PPT2: variants seen among roughly 807,000 people sequenced by gnomAD.
PPT2 encodes lysosomal thioesterase PPT2.
In PPT2, 20 loss-of-function variants were observed where a neutral mutation model predicts 37.3. The ratio of observed to expected loss-of-function variants is 0.54; its 90% CI spans 0.38 to 0.78. The LOEUF is 0.78. PPT2 is among the 30% of genes least tolerant of loss of function. PPT2 has a pLI of 0.00. For missense variants in PPT2, 270 were observed against 389.8 expected, an observed-to-expected ratio of 0.69 and a Z score of 2.59; for synonymous variants, 135 against 159.1, an observed-to-expected ratio of 0.85 and a Z score of 1.14.
At position 32,162,749 on chromosome 6, in the gene PPT2, CTT is replaced by C; in HGVS notation, c.766-56_766-55del. 5.6e-6 allele frequency: 9 copies of C among 1,599,356 alleles called. No homozygotes were observed. Among genetic ancestry groups the C allele is most frequent in the Non-Finnish European group, 7.7e-6 (9 of 1,167,788 alleles). On this transcript the variant is annotated intron_variant, in intron 8 of 8. Coordinates refer to ENST00000324816, the MANE Select transcript of PPT2 (RefSeq NM_005155.7). This position sits in a 1 kb window ranked among gnomAD's most constrained non-coding sequence, Gnocchi z 5.5. ...GGTCCAGGATCCCAGCAGTAACTCA[CTT>C]TGTCTCTCCTTGTGTCTCTCTTCCA... is the stretch of plus-strand genomic sequence containing the variant.
Position 32,162,504 on chromosome 6 carries a change from G to A in PPT2, c.711-64G>A, listed in dbSNP as rs2127397556. The A allele has an allele frequency of 6.7e-7, 1 of 1,490,118 alleles. No individual in the cohort carries two copies. Among genetic ancestry groups the A allele is most frequent in the Non-Finnish European group, 9.4e-7 (1 of 1,068,290 alleles). The allele number at this position is 1,490,118 out of a possible 1,614,324, so 92.3% of individuals were successfully genotyped here. On this transcript the variant is annotated intron_variant, in intron 7 of 8. Transcript: ENST00000324816. The surrounding 1 kb of genome is among the most constrained non-coding windows in gnomAD (Gnocchi z 5.5). ...CAAAGTGCTGCAATTACAGGCGTGT[G>A]CCACTGCGCCCGGCCAGATTTTCTC...
Position 32,156,129 on chromosome 6 carries a change from C to A in PPT2, c.541+151C>A. 1 of 658,712 alleles carries A rather than the reference C, an allele frequency of 1.5e-6. No homozygotes were observed. The highest frequency in any genetic ancestry group is 2.6e-6 in the Non-Finnish European group (1 of 387,930). 40.8% of individuals were successfully genotyped at this position (658,712 alleles called of 1,614,324 possible). On this transcript the variant is annotated intron_variant, in intron 5 of 8. Transcript: ENST00000324816. This position sits in a 1 kb window ranked among gnomAD's most constrained non-coding sequence, Gnocchi z 4.9. ...TTCAGAATTTTTTTTTTTTTTGAGA[C>A]GGAGTCTTGTTCTGTTGCCCAGGCT... is the stretch of plus-strand genomic sequence containing the variant.
intron 7 of PPT2, among the ~76,000 whole-genome samples, chr6:32,161,960 C>T (rs746057823): frequency 3.9e-5 from 6 of 151,936 alleles, no homozygotes; most frequent in African/African-American, 7.3e-5. Context: ...TCAGGTGATC[C>T]GCCGGCCTTG....
chr6:32,162,301 C>A lies in PPT2; in HGVS notation c.711-267C>A, dbSNP rs1478058194. 3.9e-5 allele frequency among the ~76,000 whole-genome samples: 6 copies of A among 152,174 alleles called. No homozygotes were observed. The highest frequency in any genetic ancestry group is 7.4e-5 in the Non-Finnish European group (5 of 68,026). ...GTGGTGCGATCTCGACTCAATGCAACCTCCACCTCCCGGGTTCAAGTAATT... is the reference window on the plus strand; with the variant it reads ...GTGGTGCGATCTCGACTCAATGCAAACTCCACCTCCCGGGTTCAAGTAATT... On this transcript the variant is annotated intron_variant, in intron 7 of 8. Transcript: ENST00000324816. This position sits in a 1 kb window ranked among gnomAD's most constrained non-coding sequence, Gnocchi z 5.5.
Position 32,162,493 on chromosome 6 carries a change from T to G in PPT2, c.711-75T>G. The G allele has an allele frequency of 6.9e-7, 1 of 1,444,142 alleles. No individual in the cohort carries two copies. 89.5% of individuals were successfully genotyped at this position (1,444,142 alleles called of 1,614,324 possible). On this transcript the variant is annotated intron_variant, in intron 7 of 8. Transcript: ENST00000324816. This position sits in a 1 kb window ranked among gnomAD's most constrained non-coding sequence, Gnocchi z 5.5. ...CCTTGGCCTCCCAAAGTGCTGCAAT[T>G]ACAGGCGTGTGCCACTGCGCCCGGC...
Position 32,154,861 on chromosome 6 carries a change from C to A in PPT2, c.183+84C>A. 1 of 1,541,566 alleles carries A rather than the reference C, an allele frequency of 6.5e-7. No individual in the cohort carries two copies. The highest frequency in any genetic ancestry group is 8.8e-7 in the Non-Finnish European group (1 of 1,135,494). On this transcript the variant is annotated intron_variant, in intron 2 of 8. Coordinates refer to ENST00000324816, the MANE Select transcript of PPT2 (RefSeq NM_005155.7). The surrounding 1 kb of genome is among the most constrained non-coding windows in gnomAD (Gnocchi z 7.3). ...GAGAGCGGGGAACTGAAAGCCACCC[C>A]TCTGGGCCTGCCCAGTTCCTCAGGG...
chr6:32,154,681 C>G lies in PPT2; in HGVS notation c.87C>G (p.Pro29=), dbSNP rs775458858. The G allele has an allele frequency of 6.2e-7, 1 of 1,613,064 alleles. No homozygotes were observed. Among genetic ancestry groups the G allele is most frequent in the African/African-American group, 1.3e-5 (1 of 75,056 alleles). ...TGCCGCTGCTGCTGCTTGCAGCCCC[C>G]GCGCCCCACCGCGCGTCCTACAAGC... ...PFLPLLLLAA[P]APHRASYKPV... The change falls in exon 2 of 9, where the codon CCC becomes CCG. Residue 29 remains proline (P), a synonymous_variant. Coordinates refer to ENST00000324816, the MANE Select transcript of PPT2 (RefSeq NM_005155.7). The surrounding 1 kb of genome is among the most constrained non-coding windows in gnomAD (Gnocchi z 7.3).
chr6:32,159,057 T>C (rs1783971865), intron 7 of PPT2, among the ~76,000 whole-genome samples: 1 of 152,080 alleles, frequency 6.6e-6, no homozygotes, highest in Non-Finnish European at 1.5e-5. Flanking sequence ...TGGCATTAAG[T>C]ATACTCACAT....
At chr6:32,153,936 T>C (rs1783533377), upstream of PPT2, 4 of 1,369,454 alleles carry the variant, frequency 2.9e-6, no homozygotes, top group Admixed American at 3.3e-5. The surrounding 1 kb of genome is among the most constrained non-coding windows in gnomAD (Gnocchi z 4.4). Flanking sequence ...TCCCAGAATA[T>C]GTTTGCTGCT....
chr6:32,161,456 A>ATTTTG (rs1784150039), intron 7 of PPT2, among the ~76,000 whole-genome samples: 1 of 150,234 alleles, frequency 6.7e-6, no homozygotes, highest in Non-Finnish European at 1.5e-5. Flanking sequence ...TGCCCAACTA[A>ATTTTG]TTTTGTATTT....
In PPT2 at chr6:32,156,005, T is replaced by C; in HGVS notation, c.541+27T>C. 6.4e-7 allele frequency: 1 copy of C among 1,554,820 alleles called. No homozygotes were observed. Among genetic ancestry groups the C allele is most frequent in the Non-Finnish European group, 8.9e-7 (1 of 1,126,280 alleles). On this transcript the variant is annotated intron_variant, in intron 5 of 8. Transcript: ENST00000324816. The surrounding 1 kb of genome is among the most constrained non-coding windows in gnomAD (Gnocchi z 4.9). Reference sequence around the variant, plus strand: ...TGAGTGGGGATGCTGAACTGGGGCTTCCATGGATCAGGTCAGTTGCTTCCA... The same window carrying C: ...TGAGTGGGGATGCTGAACTGGGGCTCCCATGGATCAGGTCAGTTGCTTCCA...
Position 32,163,022 on chromosome 6 carries a change from G to C in PPT2, c.*72G>C. 1 of 1,491,518 alleles carries C rather than the reference G, an allele frequency of 6.7e-7. No homozygotes were observed. Among genetic ancestry groups the C allele is most frequent in the East Asian group, 2.3e-5 (1 of 43,990 alleles). 92.4% of individuals were successfully genotyped at this position (1,491,518 alleles called of 1,614,324 possible). A position where few individuals can be genotyped will look rare whatever the true frequency, so the allele number is the denominator to read the frequency against. ...TGGTGGCCTTGGAAAGCAGATGTCA[G>C]GCTTTGGTGTGCCTGTGACCACCTC... On this transcript the variant is annotated 3_prime_UTR_variant, in exon 9 of 9. Transcript: ENST00000324816.
chr6:32,157,735 TCCTA>T lies in PPT2; in HGVS notation c.625+19_625+22del, dbSNP rs1561817378. The T allele has an allele frequency of 1.3e-6, 2 of 1,578,052 alleles. No individual in the cohort carries two copies. The highest frequency in any genetic ancestry group is 1.7e-5 in the Admixed American group (1 of 59,930). ...CAATGCCACAGGTGAGAATTCAGGCTCCTACCTGTGTTGCTTTTTCTGCTTCTTT... is the reference window on the plus strand; with the variant it reads ...CAATGCCACAGGTGAGAATTCAGGCTCCTGTGTTGCTTTTTCTGCTTCTTT... On this transcript the variant is annotated intron_variant, in intron 6 of 8. Transcript: ENST00000324816.
upstream of PPT2, chr6:32,153,725 C>T (rs973524036): frequency 6.8e-7 from 1 of 1,468,446 alleles, no homozygotes; most frequent in Non-Finnish European, 9.2e-7. This position sits in a 1 kb window ranked among gnomAD's most constrained non-coding sequence, Gnocchi z 4.4. Flanking sequence ...TCCAGGCCAC[C>T]CTGCCACTCA....
At chr6:32,153,538 A>C, upstream of PPT2, 2 of 1,470,050 alleles carry the variant, frequency 1.4e-6, no homozygotes, top group Non-Finnish European at 1.9e-6. This position sits in a 1 kb window ranked among gnomAD's most constrained non-coding sequence, Gnocchi z 4.4. Context: ...AGAGTAGGGC[A>C]GGAGAAACTG....
chr6:32,160,831 T>C (rs891433892), intron 7 of PPT2, among the ~76,000 whole-genome samples: 2 of 151,714 alleles, frequency 1.3e-5, no homozygotes, highest in African/African-American at 4.8e-5. Context: ...TTACCTAAAA[T>C]ACAAAAATTA....
upstream of PPT2, chr6:32,154,002 C>T: frequency 8.0e-7 from 1 of 1,253,484 alleles, no homozygotes; most frequent in Non-Finnish European, 1.0e-6. This position sits in a 1 kb window ranked among gnomAD's most constrained non-coding sequence, Gnocchi z 7.3. Flanking sequence ...TCCCCAGCAC[C>T]TAGGGCGCAA....
At position 32,163,202 on chromosome 6, in the gene PPT2, C is replaced by T; in HGVS notation, c.*252C>T. On this transcript the variant is annotated 3_prime_UTR_variant, in exon 9 of 9. Transcript: ENST00000324816. Reference sequence around the variant, plus strand: ...TTTGGGGGATTGCTCCGTGCTGTCCCTTTCTCTCAAGGCCGAAGTTGGGAA... The same window carrying T: ...TTTGGGGGATTGCTCCGTGCTGTCCTTTTCTCTCAAGGCCGAAGTTGGGAA... 1 of 481,962 alleles carries T rather than the reference C, an allele frequency of 2.1e-6. No individual in the cohort carries two copies. The allele number at this position is 481,962 out of a possible 1,614,324, so 29.9% of individuals were successfully genotyped here.
chr6:32,153,778 C>T, upstream of PPT2: 2 of 1,159,042 alleles, frequency 1.7e-6, no homozygotes, highest in Non-Finnish European at 2.4e-6. The surrounding 1 kb of genome is among the most constrained non-coding windows in gnomAD (Gnocchi z 4.4). Flanking sequence ...TTCCCTGGTC[C>T]GCCCCCTGGC....
Sources: allele counts gnomAD v4.1 joint callset (sites outside exome capture counted in the v4.1 genomes callset), GRCh38; gene constraint gnomAD v4.1.1; non-coding constraint Gnocchi (gnomAD v3.1); transcripts MANE v1.5; gene names NCBI Gene and HGNC (gene_info 2026-07-23, HGNC 2026-07-21).